Variants in HIP1 observed in about 807,000 individuals in gnomAD.
The protein encoded by HIP1 is huntingtin-interacting protein 1.
A neutral mutation model predicts 147.6 loss-of-function variants in HIP1; 65 were observed. The observed-to-expected ratio is 0.44, with a 90% CI of 0.36 to 0.54. HIP1 has a LOEUF of 0.54. HIP1 is among the 20% of genes least tolerant of loss of function. The probability of loss-of-function intolerance (pLI) is 0.00; values close to 1 mark genes in which losing one functional copy is unlikely to be tolerated. For synonymous variants in HIP1, 479 were observed against 504.0 expected (o/e 0.95, Z 0.67); for missense variants, 1,061 against 1,299.6 (o/e 0.82, Z 2.82).
chr7:75,687,901 G>T (rs540522428), intron 1 of HIP1, among the ~76,000 whole-genome samples: 1 of 152,090 alleles, frequency 6.6e-6, no homozygotes, highest in African/African-American at 2.4e-5. Flanking sequence ...GCCTTTCCAT[G>T]TGATGTTTTC....
intron 8 of HIP1, among the ~76,000 whole-genome samples, chr7:75,569,126 C>A (rs1374397452): frequency 3.3e-5 from 5 of 152,202 alleles, no homozygotes; most frequent in Non-Finnish European, 5.9e-5. Context: ...CCCTACAGAG[C>A]CAGTTCTCTG....
At chr7:75,704,695 G>C (rs912237522) in intron 1 of HIP1, among the ~76,000 whole-genome samples, 2 of 151,914 alleles carry the variant, frequency 1.3e-5, no homozygotes, top group African/African-American at 2.4e-5. Context: ...CGATCCTCCC[G>C]TCTCAGTAGC....
chr7:75,554,106 T>C lies in HIP1; in HGVS notation c.2158+7A>G, dbSNP rs1189375590. 3.7e-6 allele frequency: 6 copies of C among 1,609,620 alleles called. No homozygotes were observed. The highest frequency in any genetic ancestry group is 4.3e-6 in the Non-Finnish European group (5 of 1,176,360). On this transcript the variant is annotated splice_region_variant and intron_variant, in intron 21 of 30. Transcript: ENST00000336926. ...CCATGAACAGCCCCTCATGCCCCGG[T>C]ACTCACAGTCGGCAGGCTCAGGTGG...
At chr7:75,685,197 G>A (rs2117281626) in intron 1 of HIP1, among the ~76,000 whole-genome samples, 1 of 152,222 alleles carries the variant, frequency 6.6e-6, no homozygotes. Flanking sequence ...AGGATCGCTT[G>A]AGCCCAAGAG....
intron 1 of HIP1, among the ~76,000 whole-genome samples, chr7:75,616,212 G>A (rs375164788): frequency 4.0e-5 from 6 of 151,506 alleles, no homozygotes; most frequent in African/African-American, 1.2e-4. Flanking sequence ...CCAAACCACC[G>A]CCCACCAGCC....
intron 1 of HIP1, among the ~76,000 whole-genome samples, chr7:75,712,979 T>A (rs908625187): frequency 4.6e-5 from 7 of 152,258 alleles, no homozygotes; most frequent in African/African-American, 1.7e-4. Context: ...CTCACTCATT[T>A]ACTTATCCAT....
rs28803803 is a variant in HIP1 at position 75,673,250 on chromosome 7, T to A, written c.120+65551A>T. ...ATTGACCAGGCTGGTCTTGAACTCC[T>A]GACCTCAAGTGATCTGCCTGCCTCG... On this transcript the variant is annotated intron_variant, in intron 1 of 30. Transcript: ENST00000336926. 5.9e-3 allele frequency among the ~76,000 whole-genome samples: 901 copies of A among 152,118 alleles called. 11 individuals are homozygous for A. The highest frequency in any genetic ancestry group is 0.021 in the African/African-American group (865 of 41,478).
At chr7:75,722,951 C>T (rs568736514) in intron 1 of HIP1, among the ~76,000 whole-genome samples, 195 of 152,190 alleles carry the variant, frequency 1.3e-3, no homozygotes, top group African/African-American at 4.5e-3. Flanking sequence ...ACCAATGAAA[C>T]GACAAGTATT....
chr7:75,554,361 C>T, intron 20 of HIP1, 79 bp downstream of exon 20: 1 of 1,341,222 alleles, frequency 7.5e-7, no homozygotes. Flanking sequence ...AGGGACCTGT[C>T]ACTATCCCCG....
At chr7:75,703,036 G>T (rs1800883446) in intron 1 of HIP1, among the ~76,000 whole-genome samples, 1 of 151,982 alleles carries the variant, frequency 6.6e-6, no homozygotes, top group Non-Finnish European at 1.5e-5. Flanking sequence ...TTCTGGTAGA[G>T]AAAAAAATTG....
intron 1 of HIP1, among the ~76,000 whole-genome samples, chr7:75,614,568 G>A (rs587724478): frequency 3.3e-5 from 5 of 152,288 alleles, no homozygotes; most frequent in Non-Finnish European, 7.3e-5. Context: ...GGTAGGAGAG[G>A]GGTGGGGAGT....
At chr7:75,620,104 T>G (rs1353067383) in intron 1 of HIP1, among the ~76,000 whole-genome samples, 1 of 152,068 alleles carries the variant, frequency 6.6e-6, no homozygotes, top group Non-Finnish European at 1.5e-5. Context: ...AGAAATACAG[T>G]GAGGGTGCGG....
At chr7:75,635,596 AAG>A (rs1554509552) in intron 1 of HIP1, among the ~76,000 whole-genome samples, 1 of 150,552 alleles carries the variant, frequency 6.6e-6, no homozygotes, top group African/African-American at 2.4e-5. Flanking sequence ...AAAAAAAAAA[AAG>A]AACAGCCACT....
intron 1 of HIP1, among the ~76,000 whole-genome samples, chr7:75,604,373 T>C (rs782606451): frequency 6.6e-6 from 1 of 152,084 alleles, no homozygotes; most frequent in Non-Finnish European, 1.5e-5. Context: ...CACCAGGTAG[T>C]TGGAAATGCT....
At chr7:75,595,019 T>A (rs1379658182) in intron 2 of HIP1, among the ~76,000 whole-genome samples, 1 of 152,154 alleles carries the variant, frequency 6.6e-6, no homozygotes, top group Non-Finnish European at 1.5e-5. Flanking sequence ...GCAGAAGGAC[T>A]CATCTCAGGT....
At chr7:75,664,328 G>GTGTGTATGTATACGTATACATA (rs1554514246) in intron 1 of HIP1, among the ~76,000 whole-genome samples, 1 of 137,656 alleles carries the variant, frequency 7.3e-6, no homozygotes, top group African/African-American at 2.8e-5. Flanking sequence ...ACATACACAT[G>GTGTGTATGTATACGTATACATA]CATATATATG....
At chr7:75,657,463 G>T (rs1799176270) in intron 1 of HIP1, among the ~76,000 whole-genome samples, 1 of 150,114 alleles carries the variant, frequency 6.7e-6, no homozygotes, top group Non-Finnish European at 1.5e-5. Flanking sequence ...CCGGGAGGTG[G>T]AGATTGCAGT....
intron 1 of HIP1, among the ~76,000 whole-genome samples, chr7:75,729,773 C>T (rs540051082): frequency 1.8e-4 from 27 of 148,180 alleles, no homozygotes; most frequent in African/African-American, 6.3e-4. Flanking sequence ...TTGACAAGAA[C>T]GATACTCTGT....
chr7:75,557,465 T>C (rs1273310533), intron 16 of HIP1, among the ~76,000 whole-genome samples, 189 bp downstream of exon 16: 1 of 152,154 alleles, frequency 6.6e-6, no homozygotes, highest in Non-Finnish European at 1.5e-5. Flanking sequence ...GCAACTTGGG[T>C]CCTTCCATTA....
Sources: allele counts gnomAD v4.1 joint callset (sites outside exome capture counted in the v4.1 genomes callset), GRCh38; gene constraint gnomAD v4.1.1; transcripts MANE v1.5; gene names NCBI Gene and HGNC (gene_info 2026-07-23, HGNC 2026-07-21).